GNG7: variants seen among roughly 807,000 people sequenced by gnomAD.
GNG7 encodes guanine nucleotide-binding protein G(I)/G(S)/G(O) subunit gamma-7.
In GNG7, 1 loss-of-function variant was observed where a neutral mutation model predicts 4.0. The ratio of observed to expected loss-of-function variants is 0.25; its 90% CI spans 0.09 to 1.18. GNG7 has a LOEUF of 1.18. Ranked by LOEUF, GNG7 falls within the 50% of genes most tolerant of loss-of-function variation. The pLI is 0.50. For missense variants in GNG7, 86 were observed against 91.9 expected, an observed-to-expected ratio of 0.94 and a Z score of 0.26; for synonymous variants, 34 against 36.9, an observed-to-expected ratio of 0.92 and a Z score of 0.29.
rs1471358291 is a variant in GNG7 at position 2,513,084 on chromosome 19, T to C, written c.*1938A>G. On this transcript the variant is annotated 3_prime_UTR_variant, in exon 5 of 5. Transcript: ENST00000382159. ...GGGGGTGGGGAGCCCGGCTGTGGCC[T>C]GTGGGAGCTGCCCGAGGTTGAGGAG... 5 of 985,440 alleles carry C rather than the reference T, an allele frequency of 5.1e-6. No individual in the cohort carries two copies. The Admixed American group carries it at 2.5e-4, about 48-fold the overall frequency. The allele number at this position is 985,440 out of a possible 1,614,324, so 61.0% of individuals were successfully genotyped here.
intron 2 of GNG7, among the ~76,000 whole-genome samples, chr19:2,608,361 G>A (rs934631216): frequency 5.9e-5 from 9 of 152,010 alleles, no homozygotes; most frequent in Non-Finnish European, 1.2e-4. Context: ...CAAGGCCTGC[G>A]GGCTGGAGGG....
chr19:2,659,521 C>T (rs1164059341), intron 1 of GNG7, among the ~76,000 whole-genome samples: 3 of 134,352 alleles, frequency 2.2e-5, no homozygotes, highest in South Asian at 4.8e-4. Flanking sequence ...ACCTGGGAGG[C>T]GGAGGTTGCA....
chr19:2,636,244 A>G (rs769411880), intron 2 of GNG7, among the ~76,000 whole-genome samples: 2 of 152,080 alleles, frequency 1.3e-5, no homozygotes, highest in Non-Finnish European at 2.9e-5. Flanking sequence ...CTCTGGCCAA[A>G]CTGAACCAGC....
chr19:2,532,607 A>C (rs78584052), intron 3 of GNG7, among the ~76,000 whole-genome samples: 3,697 of 152,324 alleles, frequency 0.024, 65 homozygotes, highest in South Asian at 0.059. Context: ...AAAAGACCTC[A>C]AGCCACAGAT....
intron 2 of GNG7, among the ~76,000 whole-genome samples, chr19:2,635,234 T>C (rs1012444116): frequency 6.6e-6 from 1 of 152,140 alleles, no homozygotes; most frequent in African/African-American, 2.4e-5. Flanking sequence ...CACAGGTGGG[T>C]GCAGGTGCCC....
chr19:2,586,022 A>G (rs1002452531), intron 2 of GNG7, among the ~76,000 whole-genome samples: 3 of 152,290 alleles, frequency 2.0e-5, no homozygotes, highest in Middle Eastern at 6.8e-3. Flanking sequence ...ATTTTTCAGT[A>G]TCCCTTTTTC....
At chr19:2,695,308 AC>A (rs935358886) in intron 1 of GNG7, among the ~76,000 whole-genome samples, 3 of 149,484 alleles carry the variant, frequency 2.0e-5, no homozygotes, top group Non-Finnish European at 4.4e-5. Flanking sequence ...ACTTCTTATC[AC>A]CCCTGCACCT....
At chr19:2,674,850 G>A (rs1490779397) in intron 1 of GNG7, among the ~76,000 whole-genome samples, 1 of 152,108 alleles carries the variant, frequency 6.6e-6, no homozygotes, top group Non-Finnish European at 1.5e-5. Context: ...TTCCACCCTC[G>A]ACAGCGCCGA....
At chr19:2,586,634 C>A (rs888049610) in intron 2 of GNG7, among the ~76,000 whole-genome samples, 1 of 152,152 alleles carries the variant, frequency 6.6e-6, no homozygotes, top group African/African-American at 2.4e-5. Flanking sequence ...TTTACACACA[C>A]GCACGCAAGC....
chr19:2,551,590 C>CAAATATATATTTATAAATATTT (rs1568240124), intron 3 of GNG7, among the ~76,000 whole-genome samples: 4 of 122,564 alleles, frequency 3.3e-5, no homozygotes, highest in East Asian at 2.9e-4. Context: ...TATAAATATG[C>CAAATATATATTTATAAATATTT]ATTTATAAAT....
Position 2,511,858 on chromosome 19 carries a change from G to C in GNG7, c.*3164C>G, listed in dbSNP as rs868101596. 11 of 986,066 alleles carry C rather than the reference G, an allele frequency of 1.1e-5. No individual in the cohort carries two copies. Among genetic ancestry groups the C allele is most frequent in the Admixed American group, 6.1e-5 (1 of 16,276 alleles). 61.1% of individuals were successfully genotyped at this position (986,066 alleles called of 1,614,324 possible). A position where few individuals can be genotyped will look rare whatever the true frequency, so the allele number is the denominator to read the frequency against. On this transcript the variant is annotated 3_prime_UTR_variant, in exon 5 of 5. Coordinates refer to ENST00000382159, the MANE Select transcript of GNG7 (RefSeq NM_052847.3). The surrounding 1 kb of genome is among the most constrained non-coding windows in gnomAD (Gnocchi z 6.3). ...CCTGGGGTTACCCCTGGGGAGGGTG[G>C]GAGAGGGGTGAGGGTTCTGGCTCCT...
rs1259814062 is a variant in GNG7, at chr19:2,520,693, T to C, written c.-5A>G. On this transcript the variant is annotated 5_prime_UTR_variant, in exon 4 of 5. Transcript: ENST00000382159. ...TATGTTGTTAGTGGCTGACATTGTC[T>C]GCCATCAGCTCTGGGCCCCGTTGTT... 2.0e-6 allele frequency: 3 copies of C among 1,514,650 alleles called. No homozygotes were observed. The highest frequency in any genetic ancestry group is 2.7e-6 in the Non-Finnish European group (3 of 1,113,030). The allele number at this position is 1,514,650 out of a possible 1,614,324, so 93.8% of individuals were successfully genotyped here.
In GNG7 at chr19:2,611,909, C is replaced by G. The variant is rs1599421563; in HGVS notation, c.-78+34315G>C. On this transcript the variant is annotated intron_variant, in intron 2 of 4. Transcript: ENST00000382159. This position sits in a 1 kb window ranked among gnomAD's most constrained non-coding sequence, Gnocchi z 6.0. ...TTTTTTTTTGAGATGGAGTCTCGCTCTGTCACCAGGCTGAAGTGCAGTAGT... is the reference window on the plus strand; with the variant it reads ...TTTTTTTTTGAGATGGAGTCTCGCTGTGTCACCAGGCTGAAGTGCAGTAGT... 6.6e-6 allele frequency: 1 copy of G among 151,508 alleles called. No individual in the cohort carries two copies. 9.4% of individuals were successfully genotyped at this position (151,508 alleles called of 1,614,324 possible). A position where few individuals can be genotyped will look rare whatever the true frequency, so the allele number is the denominator to read the frequency against.
chr19:2,668,333 A>G (rs1428122917), intron 1 of GNG7, among the ~76,000 whole-genome samples: 1 of 152,222 alleles, frequency 6.6e-6, no homozygotes, highest in African/African-American at 2.4e-5. Context: ...GCCAGCATCT[A>G]ATAATGAGAT....
At chr19:2,681,025 T>C (rs1434644154) in intron 1 of GNG7, among the ~76,000 whole-genome samples, 2 of 152,116 alleles carry the variant, frequency 1.3e-5, no homozygotes, top group African/African-American at 4.8e-5. Context: ...CTGATTTGCA[T>C]TTCCCTGAGG....
At chr19:2,547,522 G>A (rs1255039797) in intron 3 of GNG7, among the ~76,000 whole-genome samples, 1 of 151,976 alleles carries the variant, frequency 6.6e-6, no homozygotes, top group Non-Finnish European at 1.5e-5. Context: ...CCCCCACCCC[G>A]GATCATCCAC....
Position 2,667,070 on chromosome 19 carries a change from A to C in GNG7, c.-134-20790T>G, listed in dbSNP as rs534760478. On this transcript the variant is annotated intron_variant, in intron 1 of 4. Coordinates refer to ENST00000382159, the MANE Select transcript of GNG7 (RefSeq NM_052847.3). ...CGCGGTGGCTCACGCCTGTAATCCC[A>C]GCACTTTGGGAGGCTGAGGCGGGTG... 7.9e-5 allele frequency among the ~76,000 whole-genome samples: 12 copies of C among 152,350 alleles called. No homozygotes were observed. In the South Asian group the frequency reaches 2.5e-3, roughly 32 times the overall value.
chr19:2,685,596 G>A (rs898684480), intron 1 of GNG7, among the ~76,000 whole-genome samples: 4 of 152,276 alleles, frequency 2.6e-5, no homozygotes, highest in African/African-American at 9.6e-5. Flanking sequence ...CTGCACTCCA[G>A]CCTGGGTGAC....
In GNG7 at chr19:2,618,343, G is replaced by T. The variant is rs1346007831; in HGVS notation, c.-78+27881C>A. Among the ~76,000 whole-genome samples the T allele has an allele frequency of 1.3e-5, 1 of 78,206 alleles. No homozygotes were observed. The highest frequency in any genetic ancestry group is 1.0e-4 in the Admixed American group (1 of 10,002). The allele number at this position is 78,206 out of a possible 152,430, so 51.3% of individuals were successfully genotyped here. A position where few individuals can be genotyped will look rare whatever the true frequency, so the allele number is the denominator to read the frequency against. On this transcript the variant is annotated intron_variant, in intron 2 of 4. Transcript: ENST00000382159. The surrounding 1 kb of genome is among the most constrained non-coding windows in gnomAD (Gnocchi z 5.1). ...TCTCTTTTCTACCTGTATGTGTGTG[G>T]TGTGTGTGTGTGTGTGTGTGTGTGT...
Sources: allele counts gnomAD v4.1 joint callset (sites outside exome capture counted in the v4.1 genomes callset), GRCh38; gene constraint gnomAD v4.1.1; non-coding constraint Gnocchi (gnomAD v3.1); transcripts MANE v1.5; gene names NCBI Gene and HGNC (gene_info 2026-07-23, HGNC 2026-07-21).